Variants in MNAT1 observed in about 807,000 individuals in gnomAD.
MNAT1 encodes MNAT1 component of CDK activating kinase, also known as CDK-activating kinase assembly factor MAT1.
A neutral mutation model predicts 42.0 loss-of-function variants in MNAT1; 43 were observed. The observed-to-expected ratio is 1.02, with a 90% CI of 0.80 to 1.32. The LOEUF (loss-of-function observed/expected upper bound fraction) is 1.32. Among genes scored for constraint, MNAT1 ranks in the 40% most tolerant of loss-of-function variants. The pLI, the probability that MNAT1 is intolerant of heterozygous loss-of-function variation, is 0.00. For missense variants in MNAT1, 306 were observed against 350.4 expected (o/e 0.87, Z 1.01); for synonymous variants, 118 against 120.0 (o/e 0.98, Z 0.11).
intron 1 of MNAT1, among the ~76,000 whole-genome samples, chr14:60,761,524 T>A (rs1314861421): frequency 2.0e-5 from 3 of 152,212 alleles, no homozygotes; most frequent in Non-Finnish European, 2.9e-5. Context: ...TTTCAATCCT[T>A]AGCACTAAGG....
At chr14:60,904,999 G>T (rs1253642737) in intron 7 of MNAT1, among the ~76,000 whole-genome samples, 1 of 3,420 alleles carries the variant, frequency 2.9e-4, no homozygotes, top group Admixed American at 4.7e-3. Context: ...TTTTTGGACG[G>T]AGTCTCGCTC....
Position 60,864,163 on chromosome 14 carries a change from ATGAAT to A in MNAT1, c.688-15547_688-15543del, listed in dbSNP as rs1396526372. Among the ~76,000 whole-genome samples, 15 of 152,130 alleles carry A rather than the reference ATGAAT, an allele frequency of 9.9e-5. No individual in the cohort carries two copies. The East Asian group carries it at 1.2e-3, about 12-fold the overall frequency. The stretch of plus-strand genomic sequence containing the variant: ...AATTGAGTGTAAATATTTTCTAAAA[ATGAAT>A]TGATATGCTTTAATGAACTAGAGTA... On this transcript the variant is annotated intron_variant, in intron 6 of 7. Transcript: ENST00000261245.
intron 3 of MNAT1, among the ~76,000 whole-genome samples, chr14:60,804,534 T>C (rs2032306533): frequency 1.3e-5 from 2 of 152,102 alleles, no homozygotes; most frequent in Non-Finnish European, 2.9e-5. Context: ...ATTTATTCAT[T>C]TATTTTTTAG....
intron 3 of MNAT1, among the ~76,000 whole-genome samples, chr14:60,800,146 C>T (rs2139333129): frequency 6.6e-6 from 1 of 151,524 alleles, no homozygotes; most frequent in East Asian, 1.9e-4. Flanking sequence ...TAATTAAATA[C>T]ATATTTAATA....
intron 6 of MNAT1, among the ~76,000 whole-genome samples, chr14:60,832,714 A>C (rs1397533687): frequency 6.6e-6 from 1 of 152,102 alleles, no homozygotes; most frequent in Non-Finnish European, 1.5e-5. Flanking sequence ...AATTCTTTGA[A>C]GAAAGTTAAT....
chr14:60,741,245 T>A (rs115911357), intron 1 of MNAT1, among the ~76,000 whole-genome samples: 138 of 152,346 alleles, frequency 9.1e-4, no homozygotes, highest in African/African-American at 3.3e-3. Context: ...CCATGTAATA[T>A]CAGTGGCACA....
At chr14:60,797,511 C>T (rs902741243) in intron 2 of MNAT1, among the ~76,000 whole-genome samples, 2 of 152,102 alleles carry the variant, frequency 1.3e-5, no homozygotes, top group African/African-American at 4.8e-5. Context: ...ATTTATCTTT[C>T]CCTGAAGTCT....
At chr14:60,777,354 T>G (rs2140311406) in intron 1 of MNAT1, among the ~76,000 whole-genome samples, 1 of 152,086 alleles carries the variant, frequency 6.6e-6, no homozygotes, top group South Asian at 2.1e-4. Flanking sequence ...GGAGGCTGAG[T>G]TGGGAGGATC....
At chr14:60,743,678 TG>T in intron 1 of MNAT1, among the ~76,000 whole-genome samples, 1 of 152,368 alleles carries the variant, frequency 6.6e-6, no homozygotes, top group Non-Finnish European at 1.5e-5. Flanking sequence ...CCCTAGTGTT[TG>T]AAGGATATTT....
intron 6 of MNAT1, among the ~76,000 whole-genome samples, chr14:60,869,730 C>A (rs2034287600): frequency 6.6e-6 from 1 of 152,072 alleles, no homozygotes; most frequent in Non-Finnish European, 1.5e-5. Flanking sequence ...ACTGGATTTT[C>A]ATGTTTAGTA....
chr14:60,776,736 G>A (rs2031266372), intron 1 of MNAT1, among the ~76,000 whole-genome samples: 1 of 152,108 alleles, frequency 6.6e-6, no homozygotes, highest in Non-Finnish European at 1.5e-5. Flanking sequence ...AGGGTGATGG[G>A]GAGGACATGA....
intron 6 of MNAT1, among the ~76,000 whole-genome samples, chr14:60,845,365 T>C (rs1397485496): frequency 6.6e-6 from 1 of 152,020 alleles, no homozygotes; most frequent in Non-Finnish European, 1.5e-5. Context: ...ATCTAAAGTG[T>C]ATTTGTTGAC....
intron 7 of MNAT1, among the ~76,000 whole-genome samples, chr14:60,948,657 A>G (rs922930620): frequency 6.6e-6 from 1 of 152,134 alleles, no homozygotes; most frequent in African/African-American, 2.4e-5. Flanking sequence ...ATCATTAAAA[A>G]TGGTTTATTT....
chr14:60,796,394 C>A (rs2032020007), intron 2 of MNAT1, 25 bp downstream of exon 2: 3 of 1,595,464 alleles, frequency 1.9e-6, no homozygotes, highest in South Asian at 2.3e-5. Flanking sequence ...TCGAATGATT[C>A]AGTCAACAAA....
intron 1 of MNAT1, among the ~76,000 whole-genome samples, chr14:60,768,290 G>T (rs996619296): frequency 2.0e-5 from 3 of 152,132 alleles, no homozygotes; most frequent in African/African-American, 4.8e-5. Flanking sequence ...TAAGAGCTCC[G>T]GAATGTGTCT....
At chr14:60,773,268 T>A (rs565368327) in intron 1 of MNAT1, among the ~76,000 whole-genome samples, 1 of 152,160 alleles carries the variant, frequency 6.6e-6, no homozygotes. Flanking sequence ...GAAATTGTGA[T>A]AGACTGTAGA....
intron 7 of MNAT1, among the ~76,000 whole-genome samples, chr14:60,892,560 T>C (rs1322131540): frequency 2.6e-5 from 4 of 152,158 alleles, no homozygotes; most frequent in Admixed American, 2.6e-4. Flanking sequence ...TACCAATTTC[T>C]ATCTTTTGAT....
chr14:60,906,883 C>T lies in MNAT1; in HGVS notation c.809+27048C>T, dbSNP rs1189663734. Among the ~76,000 whole-genome samples, 4 of 152,084 alleles carry T rather than the reference C, an allele frequency of 2.6e-5. 1 individual carries two copies. The highest frequency in any genetic ancestry group is 5.9e-5 in the Non-Finnish European group (4 of 68,010). Reference sequence around the variant, plus strand: ...GTAAGCTATTAACATCTTTATTTCTCGTTCTTTAATAACATTTTATGTATG... The same window carrying T: ...GTAAGCTATTAACATCTTTATTTCTTGTTCTTTAATAACATTTTATGTATG... On this transcript the variant is annotated intron_variant, in intron 7 of 7. Transcript: ENST00000261245.
chr14:60,796,459 C>A, intron 2 of MNAT1, 90 bp downstream of exon 2: 2 of 1,179,844 alleles, frequency 1.7e-6, no homozygotes, highest in Non-Finnish European at 2.4e-6. Flanking sequence ...TAAATGTGGA[C>A]AGATTAGCAA....
Sources: gnomAD v4.1 joint callset for allele counts (sites outside exome capture counted in the v4.1 genomes callset) on GRCh38, gnomAD v4.1.1 for gene constraint, MANE v1.5 for transcripts, NCBI Gene and HGNC (gene_info 2026-07-23, HGNC 2026-07-21) for gene names.